PRELID2: variants seen among roughly 807,000 people sequenced by gnomAD.
PRELID2 encodes PRELI domain containing 2, also known as PRELI domain-containing protein 2.
A neutral mutation model predicts 28.4 loss-of-function variants in PRELID2; 25 were observed. The ratio of observed to expected loss-of-function variants is 0.88; its 90% confidence interval spans 0.64 to 1.23. PRELID2 has a LOEUF of 1.23. Ranked by LOEUF, PRELID2 falls within the 50% of genes most tolerant of loss-of-function variation. The pLI is 0.00. For synonymous variants in PRELID2, 76 were observed against 71.6 expected (o/e 1.06, Z -0.31); for missense variants, 201 against 214.4 (o/e 0.94, Z 0.39).
At chr5:145,365,485 C>T in the PRELID2 span, among the ~76,000 whole-genome samples, 1 of 151,728 alleles carries the variant, frequency 6.6e-6, no homozygotes, top group African/African-American at 2.4e-5. Context: ...GCCAACTGTC[C>T]ATTTGTTCAT....
At chr5:145,817,872 C>T in intron 4 of PRELID2, 22 bp downstream of exon 4, 1 of 1,521,080 alleles carries the variant, frequency 6.6e-7, no homozygotes, top group Non-Finnish European at 8.8e-7. Context: ...AAAACACACA[C>T]ACATATACAC....
chr5:145,260,176 G>A, the PRELID2 span, among the ~76,000 whole-genome samples: 1 of 152,104 alleles, frequency 6.6e-6, no homozygotes, highest in Non-Finnish European at 1.5e-5. Context: ...AGCAGATGCT[G>A]CTTTGTTTCC....
chr5:145,575,386 T>C lies in PRELID2; in HGVS notation n.71-102071A>G, dbSNP rs137873488. Reference sequence around the variant, plus strand: ...GATTGAATAAAGGAGCTATGATTCATGCATTTGATGAATTGCTCTTAGATT... The same window carrying C: ...GATTGAATAAAGGAGCTATGATTCACGCATTTGATGAATTGCTCTTAGATT... On this transcript the variant is annotated intron_variant and non_coding_transcript_variant, in intron 1 of 2. Coordinates refer to the PRELID2 transcript ENST00000510259. 2.3e-3 allele frequency among the ~76,000 whole-genome samples: 355 copies of C among 152,326 alleles called. 1 individual carries two copies. Among genetic ancestry groups the C allele is most frequent in the African/African-American group, 7.8e-3 (324 of 41,574 alleles).
chr5:145,650,586 ATTTT>A (rs541890998), intron 1 of PRELID2, among the ~76,000 whole-genome samples: 1 of 131,084 alleles, frequency 7.6e-6, no homozygotes, highest in Non-Finnish European at 1.6e-5. Context: ...AGACTAAAAT[ATTTT>A]TTTTAATTTG....
chr5:145,263,289 A>G, the PRELID2 span, among the ~76,000 whole-genome samples: 1 of 152,292 alleles, frequency 6.6e-6, no homozygotes, highest in African/African-American at 2.4e-5. Flanking sequence ...CAACACAGTC[A>G]ACATGGTATA....
At chr5:145,821,191 T>TGTGTGTG (rs1561649985) in intron 2 of PRELID2, among the ~76,000 whole-genome samples, 16 of 31,376 alleles carry the variant, frequency 5.1e-4, no homozygotes, top group African/African-American at 1.1e-3. Context: ...GTAAGTCCTC[T>TGTGTGTG]TCTGTGTGTG....
chr5:145,239,194 G>A, the PRELID2 span, among the ~76,000 whole-genome samples: 3 of 152,084 alleles, frequency 2.0e-5, no homozygotes, highest in African/African-American at 7.2e-5. Context: ...GTTTATGACT[G>A]ACCAATGATT....
chr5:145,711,802 C>A (rs1755703373), intron 1 of PRELID2, among the ~76,000 whole-genome samples: 1 of 150,048 alleles, frequency 6.7e-6, no homozygotes, highest in Admixed American at 6.6e-5. Flanking sequence ...TCACTGAGTG[C>A]ACTACCACAG....
intron 1 of PRELID2, among the ~76,000 whole-genome samples, chr5:145,661,666 T>TAAAAA (rs567073073): frequency 5.1e-5 from 5 of 97,178 alleles, no homozygotes; most frequent in Non-Finnish European, 1.2e-4. Context: ...AACAAGCCAT[T>TAAAAA]AAAAAAAAAA....
chr5:145,450,678 G>C, the PRELID2 span: 1 of 152,280 alleles, frequency 6.6e-6, no homozygotes, highest in South Asian at 2.1e-4. Context: ...ACTGGATTCT[G>C]TCAAAGCAGA....
the PRELID2 span, among the ~76,000 whole-genome samples, chr5:145,310,766 A>T: frequency 1.3e-5 from 2 of 152,140 alleles, no homozygotes; most frequent in African/African-American, 4.8e-5. Flanking sequence ...GTAAACTCTT[A>T]AGCTCACTTT....
chr5:145,724,980 T>C lies in PRELID2; in HGVS notation n.70+39951A>G, dbSNP rs73302101. On this transcript the variant is annotated intron_variant and non_coding_transcript_variant, in intron 1 of 2. Coordinates refer to the PRELID2 transcript ENST00000510259. ...CTGGTCTCATACTCCTGGACCAAAA[T>C]GATCCTCCCACATCAGCCTCCCAAC... Among the ~76,000 whole-genome samples the C allele has an allele frequency of 4.8e-3, 735 of 151,902 alleles. 7 individuals are homozygous for C. Among genetic ancestry groups the C allele is most frequent in the African/African-American group, 0.016 (672 of 41,422 alleles).
At chr5:145,419,633 C>G in the PRELID2 span, among the ~76,000 whole-genome samples, 1 of 151,378 alleles carries the variant, frequency 6.6e-6, no homozygotes, top group East Asian at 1.9e-4. Context: ...GATATTAGCC[C>G]TTTGTCAGAT....
At chr5:145,625,657 A>G (rs1309286520) in intron 1 of PRELID2, among the ~76,000 whole-genome samples, 1 of 152,186 alleles carries the variant, frequency 6.6e-6, no homozygotes, top group Non-Finnish European at 1.5e-5. Flanking sequence ...TGGTTAAGCA[A>G]ATCTTTAGAG....
intron 1 of PRELID2, among the ~76,000 whole-genome samples, chr5:145,740,668 A>T (rs1409332320): frequency 4.7e-5 from 4 of 84,666 alleles, no homozygotes; most frequent in Non-Finnish European, 8.7e-5. Context: ...AAATAAAATA[A>T]ATATATATTT....
intron 1 of PRELID2, among the ~76,000 whole-genome samples, chr5:145,674,752 G>C (rs1313469519): frequency 1.3e-5 from 2 of 152,202 alleles, no homozygotes; most frequent in East Asian, 3.9e-4. Flanking sequence ...GAGACCAAAA[G>C]CCTGGCCAAT....
intron 1 of PRELID2, among the ~76,000 whole-genome samples, chr5:145,581,340 T>A (rs1424048103): frequency 6.6e-6 from 1 of 152,096 alleles, no homozygotes; most frequent in Non-Finnish European, 1.5e-5. Context: ...AAGTGGTTTT[T>A]ATGTCTTCTC....
At chr5:145,589,938 C>T (rs1753205248) in intron 1 of PRELID2, among the ~76,000 whole-genome samples, 1 of 152,112 alleles carries the variant, frequency 6.6e-6, no homozygotes, top group Non-Finnish European at 1.5e-5. Flanking sequence ...TTTTGAATAG[C>T]CCATCAGCTC....
At chr5:145,617,494 C>T (rs1753715159) in intron 1 of PRELID2, among the ~76,000 whole-genome samples, 1 of 152,160 alleles carries the variant, frequency 6.6e-6, no homozygotes, top group African/African-American at 2.4e-5. Context: ...TCCTGACTTC[C>T]CTCAACAGGT....
Sources: allele counts gnomAD v4.1 joint callset (sites outside exome capture counted in the v4.1 genomes callset), GRCh38; gene constraint gnomAD v4.1.1; transcripts MANE v1.5; gene names NCBI Gene and HGNC (gene_info 2026-07-23, HGNC 2026-07-21).